Variants in RFC3 observed in about 807,000 individuals in gnomAD.
RFC3 encodes A1 38 kDa subunit.
A neutral mutation model predicts 45.1 loss-of-function variants in RFC3; 41 were observed. The observed-to-expected ratio is 0.91, with a 90% CI of 0.71 to 1.18. The LOEUF is 1.18. RFC3 is among the 50% of genes most tolerant of loss of function. RFC3 has a pLI of 0.00. For missense variants in RFC3, 423 were observed against 428.1 expected (o/e 0.99, Z 0.10); for synonymous variants, 149 against 144.0 (o/e 1.03, Z -0.25).
At chr13:33,902,164 T>C (rs1373176301) in intron 8 of RFC3, among the ~76,000 whole-genome samples, 2 of 152,064 alleles carry the variant, frequency 1.3e-5, no homozygotes, top group East Asian at 3.9e-4. Context: ...AGAATATATT[T>C]GGAGGCTGAT....
chr13:33,925,834 C>T lies in RFC3; in HGVS notation c.880-40253C>T, dbSNP rs541789792. Among the ~76,000 whole-genome samples, 28 of 151,964 alleles carry T rather than the reference C, an allele frequency of 1.8e-4. No homozygotes were observed. The South Asian group carries it at 5.8e-3, about 32-fold the overall frequency. On this transcript the variant is annotated intron_variant, in intron 8 of 8. Coordinates refer to the RFC3 transcript ENST00000434425. ...ACCACCACCACATATCTCCTGAAAT[C>T]CTGAAGTGACATGAGACTGCAGAGT...
At chr13:33,958,853 C>T (rs1396762812) in intron 8 of RFC3, among the ~76,000 whole-genome samples, 1 of 152,200 alleles carries the variant, frequency 6.6e-6, no homozygotes, top group Non-Finnish European at 1.5e-5. Flanking sequence ...CATTTGCCTC[C>T]ATGATCTAGG....
chr13:33,901,292 G>A (rs2082640326), intron 8 of RFC3, among the ~76,000 whole-genome samples: 1 of 151,894 alleles, frequency 6.6e-6, no homozygotes, highest in Non-Finnish European at 1.5e-5. Flanking sequence ...ATCAACCTAA[G>A]TGCCCATCAA....
intron 8 of RFC3, among the ~76,000 whole-genome samples, chr13:33,853,773 G>A (rs1247087341): frequency 6.6e-6 from 1 of 152,134 alleles, no homozygotes; most frequent in Non-Finnish European, 1.5e-5. Context: ...AGAAGTCCAG[G>A]ATGATAACCC....
At chr13:33,898,130 G>A (rs1318386086) in intron 8 of RFC3, among the ~76,000 whole-genome samples, 1 of 152,054 alleles carries the variant, frequency 6.6e-6, no homozygotes, top group Non-Finnish European at 1.5e-5. Flanking sequence ...TCAACCATCA[G>A]AGTTTAACTA....
At chr13:33,914,068 T>C (rs1339624345) in intron 8 of RFC3, among the ~76,000 whole-genome samples, 1 of 152,112 alleles carries the variant, frequency 6.6e-6, no homozygotes, top group African/African-American at 2.4e-5. Flanking sequence ...AGTTAAAGAT[T>C]GGAAATGATG....
At chr13:33,908,711 T>C (rs542522624) in intron 8 of RFC3, among the ~76,000 whole-genome samples, 26 of 151,082 alleles carry the variant, frequency 1.7e-4, no homozygotes, top group African/African-American at 6.4e-4. Context: ...AATCTATAGT[T>C]TGGGCAAGCT....
rs1244313232 is a variant in RFC3 at position 33,836,508 on chromosome 13, T to C, written c.*213T>C. The C allele has an allele frequency of 7.9e-7, 1 of 1,269,084 alleles. No homozygotes were observed. Among genetic ancestry groups the C allele is most frequent in the Non-Finnish European group, 1.0e-6 (1 of 1,002,640 alleles). The allele number at this position is 1,269,084 out of a possible 1,614,324, so 78.6% of individuals were successfully genotyped here. Reference sequence around the variant, plus strand: ...AGTTTTGTACATAACTTAGAGACTTTAGAGTCTAAGAAAATGATCTTAATT... The same window carrying C: ...AGTTTTGTACATAACTTAGAGACTTCAGAGTCTAAGAAAATGATCTTAATT... On this transcript the variant is annotated 3_prime_UTR_variant, in exon 9 of 9. Transcript: ENST00000380071.
chr13:33,827,222 A>G (rs918829550), intron 4 of RFC3, among the ~76,000 whole-genome samples: 1 of 152,134 alleles, frequency 6.6e-6, no homozygotes, highest in Admixed American at 6.5e-5. Context: ...CCAGGAATTC[A>G]AGGTTGCAGT....
intron 8 of RFC3, among the ~76,000 whole-genome samples, chr13:33,926,659 T>C (rs1294616068): frequency 5.9e-5 from 9 of 151,944 alleles, no homozygotes; most frequent in Non-Finnish European, 1.3e-4. Context: ...TTAAAACTTG[T>C]ACCCTCATTC....
downstream of RFC3, chr13:33,837,565 T>A (rs994272926): frequency 6.6e-6 from 1 of 152,130 alleles, no homozygotes; most frequent in East Asian, 1.9e-4. Flanking sequence ...GTGCAATGAC[T>A]GGGCATACAA....
At chr13:33,936,980 A>C (rs1253561083) in intron 8 of RFC3, among the ~76,000 whole-genome samples, 11 of 152,162 alleles carry the variant, frequency 7.2e-5, no homozygotes, top group Non-Finnish European at 1.2e-4. Flanking sequence ...CACCACAAAA[A>C]ATCAAGAGCA....
the RFC3 span, among the ~76,000 whole-genome samples, chr13:33,974,030 C>T: frequency 3.9e-5 from 6 of 152,048 alleles, no homozygotes; most frequent in African/African-American, 1.5e-4. Context: ...CTCTAAGGGC[C>T]GAGATACAGG....
chr13:33,937,780 C>T (rs1370959876), intron 8 of RFC3, among the ~76,000 whole-genome samples: 2 of 152,160 alleles, frequency 1.3e-5, no homozygotes, highest in Non-Finnish European at 2.9e-5. Context: ...TGCTAAGTGG[C>T]TGCCTGAGAG....
chr13:33,933,861 A>G (rs937441651), intron 8 of RFC3, among the ~76,000 whole-genome samples: 4 of 152,060 alleles, frequency 2.6e-5, no homozygotes, highest in Non-Finnish European at 4.4e-5. Flanking sequence ...TTGGCTAACT[A>G]CGTTAAATTA....
intron 8 of RFC3, among the ~76,000 whole-genome samples, chr13:33,960,682 G>GACAA (rs10626530): frequency 6.6e-6 from 1 of 151,562 alleles, no homozygotes; most frequent in Non-Finnish European, 1.5e-5. Flanking sequence ...ATGACAAATA[G>GACAA]CCCTGGGAGG....
intron 4 of RFC3, among the ~76,000 whole-genome samples, chr13:33,826,851 C>T (rs111614314): frequency 5.3e-5 from 8 of 152,110 alleles, no homozygotes; most frequent in African/African-American, 1.9e-4. Context: ...GGCCAACCCT[C>T]CAATAGTGTG....
intron 8 of RFC3, among the ~76,000 whole-genome samples, chr13:33,857,951 G>T (rs887381370): frequency 3.3e-5 from 5 of 152,166 alleles, no homozygotes; most frequent in Non-Finnish European, 7.3e-5. Flanking sequence ...TGAGCAAAAT[G>T]GTTAAGCAGA....
chr13:33,836,315 C>A lies in RFC3; in HGVS notation c.*20C>A, dbSNP rs746988113. The stretch of plus-strand genomic sequence containing the variant: ...TTCTGACTTCTGTCAGTTATTCTTG[C>A]AAAGATTTCTCAGTATCAGTATTTA... On this transcript the variant is annotated 3_prime_UTR_variant, in exon 9 of 9. Transcript: ENST00000380071. 8 of 1,609,070 alleles carry A rather than the reference C, an allele frequency of 5.0e-6. No individual in the cohort carries two copies. In the Admixed American group the frequency reaches 6.7e-5, roughly 13 times the overall value.
Sources: gnomAD v4.1 joint callset for allele counts (sites outside exome capture counted in the v4.1 genomes callset) on GRCh38, gnomAD v4.1.1 for gene constraint, MANE v1.5 for transcripts, NCBI Gene and HGNC (gene_info 2026-07-23, HGNC 2026-07-21) for gene names.